The following COLEC10 variants were observed in gnomAD, a reference collection of about 807,000 sequenced individuals.
The protein encoded by COLEC10 is collectin subfamily member 10.
COLEC10 carries 22 observed loss-of-function variants against 28.4 expected under a neutral mutation model. The ratio of observed to expected loss-of-function variants is 0.78; its 90% CI spans 0.55 to 1.11. The LOEUF (loss-of-function observed/expected upper bound fraction) is 1.11, where lower values mean the gene tolerates loss of function less well. Ranked by LOEUF, COLEC10 falls within the 50% of genes least tolerant of loss-of-function variation. The pLI, the probability that COLEC10 is intolerant of heterozygous loss-of-function variation, is 0.00. For missense variants in COLEC10, 361 were observed against 344.1 expected, an observed-to-expected ratio of 1.05 and a Z score of -0.39; for synonymous variants, 125 against 116.1, an observed-to-expected ratio of 1.08 and a Z score of -0.49.
At chr8:118,980,522 A>AT in the COLEC10 span, among the ~76,000 whole-genome samples, 11 of 151,656 alleles carry the variant, frequency 7.3e-5, no homozygotes, top group South Asian at 6.2e-4. Flanking sequence ...CTGTAGTCTT[A>AT]TTTTTTTTAT....
chr8:119,056,320 G>A (rs1814760634), intron 2 of COLEC10, among the ~76,000 whole-genome samples: 1 of 151,868 alleles, frequency 6.6e-6, no homozygotes, highest in Admixed American at 6.6e-5. Flanking sequence ...AGTTTCCCTT[G>A]CTGCTAGCAT....
chr8:119,075,318 T>G (rs937787722), intron 1 of COLEC10, among the ~76,000 whole-genome samples: 13 of 152,218 alleles, frequency 8.5e-5, no homozygotes, highest in Non-Finnish European at 1.6e-4. Context: ...AGTGTGTCTG[T>G]TTTTTTGCAT....
At chr8:118,993,230 A>G (rs1173494667), upstream of COLEC10, among the ~76,000 whole-genome samples, 1 of 152,180 alleles carries the variant, frequency 6.6e-6, no homozygotes, top group Non-Finnish European at 1.5e-5. Flanking sequence ...GGCTGGAAGT[A>G]CAAGAGCAAG....
chr8:119,041,878 C>G (rs1157698017), intron 2 of COLEC10, among the ~76,000 whole-genome samples: 2 of 151,944 alleles, frequency 1.3e-5, no homozygotes. Flanking sequence ...TAAAACAGAG[C>G]CATACAGGTT....
intron 2 of COLEC10, among the ~76,000 whole-genome samples, chr8:119,059,184 G>T (rs1231641853): frequency 2.0e-5 from 3 of 151,754 alleles, no homozygotes; most frequent in Non-Finnish European, 4.4e-5. Context: ...TTTCTTAATG[G>T]TATTTTTTGA....
At chr8:118,993,613 C>CA (rs1813541747), upstream of COLEC10, among the ~76,000 whole-genome samples, 1 of 152,088 alleles carries the variant, frequency 6.6e-6, no homozygotes, top group Non-Finnish European at 1.5e-5. Flanking sequence ...CCTTGGCCTC[C>CA]CAAAGTGATG....
intron 3 of COLEC10, among the ~76,000 whole-genome samples, chr8:119,101,988 A>C (rs187531257): frequency 1.4e-4 from 21 of 152,234 alleles, no homozygotes; most frequent in Admixed American, 5.2e-4. Flanking sequence ...TTATTAAAAA[A>C]AATGTTAATA....
In COLEC10 at chr8:119,067,426, A is replaced by G. The variant is rs1407946302; in HGVS notation, c.145A>G (p.Lys49Glu). 6.2e-7 allele frequency: 1 copy of G among 1,612,552 alleles called. No homozygotes were observed. Residue 49 changes from lysine (K) to glutamate (E), a missense_variant, in exon 1 of 6, where the codon AAA becomes GAA. By Grantham distance (56) the Lys-to-Glu change is moderately conservative (BLOSUM62 1). Around this residue, in one of 3 missense-constraint regions of COLEC10, gnomAD observed 335 missense variants for 308.5 expected, o/e 1.09. Transcript: ENST00000332843. ...CATHTISPGP[K>E]GDDGEKGDPG... is the part of the protein sequence containing the mutation. The stretch of plus-strand genomic sequence containing the variant: ...CACACACACAATTTCACCAGGACCC[A>G]AAGGTGAGGAAAGAAAACCACAATT...
intron 2 of COLEC10, among the ~76,000 whole-genome samples, chr8:119,040,906 T>C (rs1257480454): frequency 6.6e-6 from 1 of 152,086 alleles, no homozygotes; most frequent in Non-Finnish European, 1.5e-5. Context: ...CTTCTATTTG[T>C]CAAACAAACT....
chr8:118,983,480 T>TA, the COLEC10 span, among the ~76,000 whole-genome samples: 13 of 152,110 alleles, frequency 8.5e-5, no homozygotes, highest in African/African-American at 2.9e-4. Context: ...TACCTCTTAA[T>TA]AAAATCATCC....
the COLEC10 span, among the ~76,000 whole-genome samples, chr8:118,989,212 G>T: frequency 3.3e-5 from 5 of 152,106 alleles, no homozygotes; most frequent in African/African-American, 1.2e-4. Context: ...CAGAAATAAT[G>T]AATGCCTCTG....
intron 2 of COLEC10, among the ~76,000 whole-genome samples, chr8:119,023,470 C>T (rs1276957119): frequency 2.0e-5 from 3 of 152,058 alleles, no homozygotes; most frequent in African/African-American, 7.2e-5. Context: ...CAGAGAGGTA[C>T]AAGCTATTGA....
At position 119,018,333 on chromosome 8, in the gene COLEC10, C is replaced by T. The variant is rs1330419849; in HGVS notation, n.235+8780C>T. 1.3e-5 allele frequency among the ~76,000 whole-genome samples: 2 copies of T among 152,138 alleles called. 1 individual carries two copies. Among genetic ancestry groups the T allele is most frequent in the South Asian group, 4.1e-4 (2 of 4,834 alleles). On this transcript the variant is annotated intron_variant and non_coding_transcript_variant, in intron 2 of 6. Transcript: ENST00000521788. ...GTTCTTAAAGGTATTGCCTTATTTA[C>T]TTTGATGGTTTCTCAACTAATTGAA...
chr8:119,034,412 A>AT lies in COLEC10; in HGVS notation n.235+24862dup, dbSNP rs202123085. Among the ~76,000 whole-genome samples the AT allele has an allele frequency of 2.4e-3, 356 of 147,144 alleles. 8 individuals are homozygous for AT. Among genetic ancestry groups the AT allele is most frequent in the Admixed American group, 0.022 (324 of 15,026 alleles). The stretch of plus-strand genomic sequence containing the variant: ...GCGCATGTATCCCAGAACTTACAGT[A>AT]TTTAAAAAAAAAAAAAAAGGCCAGG... On this transcript the variant is annotated intron_variant and non_coding_transcript_variant, in intron 2 of 6. Coordinates refer to the COLEC10 transcript ENST00000521788.
chr8:118,977,313 C>A, the COLEC10 span, among the ~76,000 whole-genome samples: 7 of 148,690 alleles, frequency 4.7e-5, no homozygotes, highest in Middle Eastern at 3.4e-3. Context: ...ATGTTTATTG[C>A]GGCATTATTC....
chr8:119,065,525 T>G (rs1481680372), upstream of COLEC10, among the ~76,000 whole-genome samples: 1 of 152,100 alleles, frequency 6.6e-6, no homozygotes, highest in Non-Finnish European at 1.5e-5. Context: ...CATTATATAA[T>G]ACAATGTAAA....
intron 2 of COLEC10, among the ~76,000 whole-genome samples, chr8:119,015,885 G>A (rs1022912223): frequency 1.3e-5 from 2 of 152,068 alleles, no homozygotes; most frequent in African/African-American, 2.4e-5. Context: ...TTATATATTG[G>A]TTATGCTGGT....
intron 2 of COLEC10, among the ~76,000 whole-genome samples, chr8:119,035,109 C>T (rs148487595): frequency 7.1e-4 from 108 of 152,280 alleles, no homozygotes; most frequent in African/African-American, 2.5e-3. Context: ...GTAACAACAG[C>T]CACACATGCT....
Position 119,030,531 on chromosome 8 carries a change from G to T in COLEC10, n.235+20978G>T, listed in dbSNP as rs377083024. Among the ~76,000 whole-genome samples, 8 of 152,180 alleles carry T rather than the reference G, an allele frequency of 5.3e-5. No homozygotes were observed. The East Asian group carries it at 9.7e-4, about 18-fold the overall frequency. On this transcript the variant is annotated intron_variant and non_coding_transcript_variant, in intron 2 of 6. Coordinates refer to the COLEC10 transcript ENST00000521788. ...GTGTGTTAGTACTTTGCAGTGGCTT[G>T]CTCTGAAGTGTGAATCCTGGTTCTA... is the stretch of plus-strand genomic sequence containing the variant.
Sources: allele counts gnomAD v4.1 joint callset (sites outside exome capture counted in the v4.1 genomes callset), GRCh38; gene constraint gnomAD v4.1.1; regional missense constraint gnomAD v4.1.1; transcripts MANE v1.5; gene names NCBI Gene and HGNC (gene_info 2026-07-23, HGNC 2026-07-21).